The following SEMA5A variants were observed in gnomAD, a reference collection of about 807,000 sequenced individuals.
SEMA5A encodes the protein semaphorin-5A.
A neutral mutation model predicts 135.5 loss-of-function variants in SEMA5A; 55 were observed. That is an observed-to-expected ratio of 0.41 (90% confidence interval 0.33 to 0.51). SEMA5A has a LOEUF of 0.51. SEMA5A is among the 20% of genes least tolerant of loss of function. The pLI, the probability that SEMA5A is intolerant of heterozygous loss-of-function variation, is 0.37. For synonymous variants in SEMA5A, 580 were observed against 546.5 expected (o/e 1.06, Z -0.85); for missense variants, 1,290 against 1,419.9 (o/e 0.91, Z 1.47).
intron 6 of SEMA5A, among the ~76,000 whole-genome samples, chr5:9,233,478 C>A (rs538258571): frequency 6.6e-6 from 1 of 151,360 alleles, no homozygotes; most frequent in East Asian, 1.9e-4. Context: ...TTTTTTTCCC[C>A]CATGGAATAT....
At chr5:9,179,717 C>T (rs1000591585) in intron 11 of SEMA5A, among the ~76,000 whole-genome samples, 2 of 152,026 alleles carry the variant, frequency 1.3e-5, no homozygotes, top group African/African-American at 2.4e-5. Context: ...TCATTTTAAT[C>T]GGGCCTAAAA....
chr5:9,532,819 C>A (rs268549), intron 1 of SEMA5A, among the ~76,000 whole-genome samples: 52,024 of 151,922 alleles, frequency 0.34, 9,078 homozygotes, highest in South Asian at 0.41. Flanking sequence ...TCATGTAAAC[C>A]AAAGAGAAGA....
rs76955276 is a variant in SEMA5A, at chr5:9,436,215, G to C, written c.-78+1541C>G. ...TGACACACAATGAGGACTTACATTA[G>C]CTAATAACTCTTCCTATCATATATC... On this transcript the variant is annotated intron_variant, in intron 2 of 22. Transcript: ENST00000382496. 6.4e-4 allele frequency among the ~76,000 whole-genome samples: 97 copies of C among 152,286 alleles called. 1 individual carries two copies. The highest frequency in any genetic ancestry group is 2.0e-3 in the African/African-American group (83 of 41,544).
At chr5:9,189,198 G>A (rs549086122) in intron 11 of SEMA5A, among the ~76,000 whole-genome samples, 44 of 152,364 alleles carry the variant, frequency 2.9e-4, no homozygotes, top group African/African-American at 1.0e-3. Flanking sequence ...TTGCTGGGCT[G>A]TCTCTGCGCA....
Position 9,035,959 on chromosome 5 carries a change from C to CAAAAAAA in SEMA5A, c.*6931_*6937dup, listed in dbSNP as rs367901928. The CAAAAAAA allele has an allele frequency of 4.4e-5, 5 of 113,370 alleles. No homozygotes were observed. Among genetic ancestry groups the CAAAAAAA allele is most frequent in the African/African-American group, 1.7e-4 (5 of 29,490 alleles). The allele number at this position is 113,370 out of a possible 1,614,324, so 7.0% of individuals were successfully genotyped here. On this transcript the variant is annotated 3_prime_UTR_variant, in exon 23 of 23. Coordinates refer to ENST00000382496, the MANE Select transcript of SEMA5A (RefSeq NM_003966.3). ...TGAAATTGGCTTTGGAGGAGTTTCA[C>CAAAAAAA]AAAAAAAAAAAAAAAAAAAAATCTC...
chr5:9,231,581 G>A (rs1346100740), intron 6 of SEMA5A, among the ~76,000 whole-genome samples: 1 of 151,720 alleles, frequency 6.6e-6, no homozygotes, highest in Non-Finnish European at 1.5e-5. Context: ...CAGATCCACT[G>A]GCAACGCACT....
chr5:9,098,388 T>C (rs991760492), intron 16 of SEMA5A, among the ~76,000 whole-genome samples: 1 of 152,158 alleles, frequency 6.6e-6, no homozygotes, highest in African/African-American at 2.4e-5. Flanking sequence ...ACCAAAAACA[T>C]GTGTCCAATT....
intron 5 of SEMA5A, among the ~76,000 whole-genome samples, chr5:9,296,530 A>T (rs1413227073): frequency 1.3e-5 from 2 of 152,164 alleles, no homozygotes; most frequent in African/African-American, 4.8e-5. Flanking sequence ...ACTTTTCACA[A>T]ATGCATTGCT....
intron 3 of SEMA5A, among the ~76,000 whole-genome samples, chr5:9,347,784 C>T (rs761206893): frequency 1.3e-5 from 2 of 152,118 alleles, no homozygotes; most frequent in Non-Finnish European, 2.9e-5. Flanking sequence ...CCAGACCTAC[C>T]GTTTCTCTAA....
intron 4 of SEMA5A, among the ~76,000 whole-genome samples, chr5:9,331,066 T>C (rs763645575): frequency 2.0e-5 from 3 of 152,248 alleles, no homozygotes; most frequent in Non-Finnish European, 4.4e-5. Flanking sequence ...TCCCTTTAAT[T>C]GTGTCAACTT....
chr5:9,429,702 A>G (rs1354152928), intron 2 of SEMA5A, among the ~76,000 whole-genome samples: 1 of 152,238 alleles, frequency 6.6e-6, no homozygotes, highest in Admixed American at 6.5e-5. Flanking sequence ...TGCTGCAGGC[A>G]CAGAAAGGAG....
chr5:9,350,551 C>T (rs1754068256), intron 3 of SEMA5A, among the ~76,000 whole-genome samples: 1 of 152,206 alleles, frequency 6.6e-6, no homozygotes, highest in Admixed American at 6.5e-5. Context: ...GGCCAGGCTG[C>T]ATCTGGTTGA....
At chr5:9,302,726 T>C (rs1008314859) in intron 5 of SEMA5A, among the ~76,000 whole-genome samples, 3 of 152,198 alleles carry the variant, frequency 2.0e-5, no homozygotes, top group Non-Finnish European at 4.4e-5. Flanking sequence ...TGTCACATGC[T>C]AGCAGAGTAG....
intron 16 of SEMA5A, among the ~76,000 whole-genome samples, chr5:9,078,730 G>A (rs1250986276): frequency 2.0e-5 from 3 of 151,970 alleles, no homozygotes; most frequent in Non-Finnish European, 4.4e-5. Context: ...GACCAAACTG[G>A]CTCCATTTTT....
chr5:9,311,129 A>G (rs913408387), intron 5 of SEMA5A, among the ~76,000 whole-genome samples: 1 of 112,554 alleles, frequency 8.9e-6, no homozygotes, highest in Non-Finnish European at 2.1e-5. Flanking sequence ...ATTCAGAGTC[A>G]GGTAAATTTC....
chr5:9,337,041 G>C (rs2150717594), intron 4 of SEMA5A, among the ~76,000 whole-genome samples: 1 of 152,328 alleles, frequency 6.6e-6, no homozygotes, highest in Middle Eastern at 3.4e-3. Flanking sequence ...GGAAGTGATA[G>C]TGAAAACAGG....
At chr5:9,076,140 G>A (rs922464381) in intron 16 of SEMA5A, among the ~76,000 whole-genome samples, 1 of 145,852 alleles carries the variant, frequency 6.9e-6, no homozygotes, top group African/African-American at 2.6e-5. Context: ...GGGAAGCGGA[G>A]ATTGCAGTAA....
intron 1 of SEMA5A, among the ~76,000 whole-genome samples, chr5:9,456,414 C>A (rs1758836301): frequency 6.6e-6 from 1 of 152,016 alleles, no homozygotes; most frequent in Non-Finnish European, 1.5e-5. Flanking sequence ...CACAACAAAA[C>A]AAGAAAATTA....
At chr5:9,526,828 G>A (rs1737150211) in intron 1 of SEMA5A, among the ~76,000 whole-genome samples, 1 of 152,096 alleles carries the variant, frequency 6.6e-6, no homozygotes, top group Non-Finnish European at 1.5e-5. Context: ...CACCCTACTG[G>A]GCTGTCAGTG....
Sources: gnomAD v4.1 joint callset for allele counts (sites outside exome capture counted in the v4.1 genomes callset) on GRCh38, gnomAD v4.1.1 for gene constraint, MANE v1.5 for transcripts, NCBI Gene and HGNC (gene_info 2026-07-23, HGNC 2026-07-21) for gene names.